The following SNTG1 variants were observed in gnomAD, a reference collection of about 807,000 sequenced individuals.
SNTG1 encodes the protein gamma-1-syntrophin.
Under a neutral mutation model 74.7 loss-of-function variants are expected in SNTG1, and 39 were observed. The ratio of observed to expected loss-of-function variants is 0.52; its 90% CI spans 0.40 to 0.68. The LOEUF is 0.68. SNTG1 is among the 30% of genes least tolerant of loss of function. The pLI is 0.00. For synonymous variants in SNTG1, 254 were observed against 217.1 expected, an observed-to-expected ratio of 1.17 and a Z score of -1.49; for missense variants, 685 against 609.5, an observed-to-expected ratio of 1.12 and a Z score of -1.30.
chr8:50,240,534 C>T (rs896309403), intron 2 of SNTG1, among the ~76,000 whole-genome samples: 9 of 152,146 alleles, frequency 5.9e-5, no homozygotes, highest in Middle Eastern at 3.2e-3. Flanking sequence ...CTAAACCTAT[C>T]ACAAGATTTT....
At chr8:50,669,546 T>G (rs1384245257) in intron 15 of SNTG1, among the ~76,000 whole-genome samples, 2 of 152,158 alleles carry the variant, frequency 1.3e-5, no homozygotes, top group African/African-American at 4.8e-5. Flanking sequence ...GTGGCAATAA[T>G]CAATAGCTTA....
At chr8:50,770,375 G>T (rs2095624073) in intron 18 of SNTG1, among the ~76,000 whole-genome samples, 1 of 152,052 alleles carries the variant, frequency 6.6e-6, no homozygotes, top group African/African-American at 2.4e-5. Context: ...TCAAGTTTTG[G>T]TAAGAATGGA....
intron 8 of SNTG1, among the ~76,000 whole-genome samples, chr8:50,458,911 T>G (rs2093533818): frequency 6.6e-6 from 1 of 152,190 alleles, no homozygotes; most frequent in African/African-American, 2.4e-5. Context: ...TTAAAGGTTT[T>G]GACTGTTAAT....
At chr8:49,936,644 G>A (rs967784383) in intron 1 of SNTG1, among the ~76,000 whole-genome samples, 3 of 151,998 alleles carry the variant, frequency 2.0e-5, no homozygotes, top group South Asian at 2.1e-4. Flanking sequence ...AATTCTTCCT[G>A]CCACTTACTC....
intron 15 of SNTG1, among the ~76,000 whole-genome samples, chr8:50,696,595 T>A (rs538224713): frequency 6.6e-6 from 1 of 152,188 alleles, no homozygotes; most frequent in East Asian, 1.9e-4. Context: ...CTTTAATTCA[T>A]CTTGAGTTAA....
At chr8:50,023,167 A>G (rs988062342) in intron 1 of SNTG1, among the ~76,000 whole-genome samples, 1 of 152,156 alleles carries the variant, frequency 6.6e-6, no homozygotes, top group Non-Finnish European at 1.5e-5. Flanking sequence ...ATCCATCGAC[A>G]GGGAGCCTGT....
intron 4 of SNTG1, among the ~76,000 whole-genome samples, chr8:50,414,218 G>A (rs373361116): frequency 1.3e-4 from 20 of 152,216 alleles, no homozygotes; most frequent in Middle Eastern, 3.4e-3. Flanking sequence ...GTTCTTTCAG[G>A]TGAAGGGGCT....
At chr8:50,138,058 G>A (rs1006817917) in intron 1 of SNTG1, among the ~76,000 whole-genome samples, 7 of 152,070 alleles carry the variant, frequency 4.6e-5, no homozygotes, top group Non-Finnish European at 7.4e-5. Context: ...GTTGTCTAAA[G>A]CTAAGAAACC....
chr8:50,228,527 C>T (rs528184158), intron 2 of SNTG1, among the ~76,000 whole-genome samples: 129 of 151,614 alleles, frequency 8.5e-4, no homozygotes, highest in Middle Eastern at 3.4e-3. Context: ...TTGAAATAAA[C>T]CAGAGGAAAA....
intron 4 of SNTG1, 131 bp from the exon 5 acceptor site, chr8:50,438,412 G>A (rs1226648228): frequency 6.0e-6 from 4 of 671,142 alleles, no homozygotes; most frequent in Non-Finnish European, 1.1e-5. Flanking sequence ...CACTATCCCA[G>A]CACAGAAGAG....
intron 5 of SNTG1, among the ~76,000 whole-genome samples, chr8:50,448,901 AC>A (rs11306035): frequency 0.62 from 93,785 of 151,730 alleles, 33,197 homozygotes; most frequent in East Asian, 0.83. Context: ...GGCATGGCGC[AC>A]CTGTAGTCCC....
At chr8:50,039,225 G>A (rs542874561) in intron 1 of SNTG1, among the ~76,000 whole-genome samples, 12 of 152,188 alleles carry the variant, frequency 7.9e-5, no homozygotes, top group Middle Eastern at 3.4e-3. Context: ...GGAGGCCGAG[G>A]AGGGCAGATC....
chr8:50,534,308 T>C (rs540572539), intron 10 of SNTG1, among the ~76,000 whole-genome samples: 6 of 152,122 alleles, frequency 3.9e-5, no homozygotes, highest in African/African-American at 1.4e-4. Flanking sequence ...GGGAAGGAGT[T>C]TCAGTCATTG....
At chr8:50,621,527 G>T (rs965508679) in intron 13 of SNTG1, among the ~76,000 whole-genome samples, 62 of 152,298 alleles carry the variant, frequency 4.1e-4, no homozygotes, top group African/African-American at 1.5e-3. Context: ...GATATCAATT[G>T]CTTTCTAGTT....
At chr8:49,938,603 T>TTTTCTTTTCTTTC in intron 1 of SNTG1, among the ~76,000 whole-genome samples, 1 of 74,754 alleles carries the variant, frequency 1.3e-5, no homozygotes, top group African/African-American at 4.5e-5. Context: ...TTTTCTTTTC[T>TTTTCTTTTCTTTC]TTTCTTTCTT....
chr8:50,381,836 T>TTATATATATATATTA (rs2092492688), intron 2 of SNTG1: 1 of 98,938 alleles, frequency 1.0e-5, no homozygotes, highest in African/African-American at 3.5e-5. Context: ...TATATATATA[T>TTATATATATATATTA]TATATATATA....
At chr8:49,973,492 A>G (rs1261486742) in intron 1 of SNTG1, among the ~76,000 whole-genome samples, 1 of 151,950 alleles carries the variant, frequency 6.6e-6, no homozygotes, top group African/African-American at 2.4e-5. Flanking sequence ...GTGCACATGT[A>G]CCCTAAAAGT....
chr8:50,755,246 G>T (rs1343317630), intron 18 of SNTG1, among the ~76,000 whole-genome samples: 1 of 151,598 alleles, frequency 6.6e-6, no homozygotes, highest in East Asian at 2.0e-4. Flanking sequence ...CATCTTTTGA[G>T]CTCTTCCTAT....
At chr8:50,555,010 A>G (rs2094447846) in intron 12 of SNTG1, among the ~76,000 whole-genome samples, 1 of 152,166 alleles carries the variant, frequency 6.6e-6, no homozygotes, top group African/African-American at 2.4e-5. Context: ...TTCAGTTAGA[A>G]TGCTGTGCTT....
Sources: gnomAD v4.1 joint callset for allele counts (sites outside exome capture counted in the v4.1 genomes callset) on GRCh38, gnomAD v4.1.1 for gene constraint, MANE v1.5 for transcripts, NCBI Gene and HGNC (gene_info 2026-07-23, HGNC 2026-07-21) for gene names.